The following DNAH11 variants were observed in gnomAD, a reference collection of about 807,000 sequenced individuals.
The protein encoded by DNAH11 is dynein axonemal heavy chain 11, also known as axonemal beta dynein heavy chain 11.
DNAH11 carries 442 observed loss-of-function variants against 526.0 expected under a neutral mutation model. The observed-to-expected ratio is 0.84, with a 90% CI of 0.78 to 0.91. DNAH11 has a LOEUF of 0.91. Ranked by LOEUF, DNAH11 falls within the 40% of genes least tolerant of loss-of-function variation. The pLI, the probability that DNAH11 is intolerant of heterozygous loss-of-function variation, is 0.00. For missense variants in DNAH11, 6,989 were observed against 5,448.7 expected, an observed-to-expected ratio of 1.28 and a Z score of -8.90; for synonymous variants, 2,461 against 1,935.9, an observed-to-expected ratio of 1.27 and a Z score of -7.12.
rs915448294 is a variant in DNAH11 at position 21,581,803 on chromosome 7, G to C, written c.1594-102G>C. On this transcript the variant is annotated intron_variant, in intron 8 of 81. Transcript: ENST00000409508. ...AAAAATAAATTCACTCAGAGACAGAGAGCGAGCGAGAGAGAGCTAAAGTAA... is the reference window on the plus strand; with the variant it reads ...AAAAATAAATTCACTCAGAGACAGACAGCGAGCGAGAGAGAGCTAAAGTAA... 4 of 704,860 alleles carry C rather than the reference G, an allele frequency of 5.7e-6. No homozygotes were observed. In the East Asian group the frequency reaches 1.0e-4, roughly 18 times the overall value. 43.7% of individuals were successfully genotyped at this position (704,860 alleles called of 1,614,324 possible).
rs573286114 is a variant in DNAH11, at chr7:21,565,388, A to G, written c.1194+991A>G. ...ATTGGGAGTTAGGCTTTCAATATTT[A>G]TCAATTTGAATGGACACAATTCAGA... is the stretch of plus-strand genomic sequence containing the variant. On this transcript the variant is annotated intron_variant, in intron 6 of 81. Transcript: ENST00000409508. 8.5e-5 allele frequency among the ~76,000 whole-genome samples: 13 copies of G among 152,302 alleles called. No homozygotes were observed. The South Asian group carries it at 1.7e-3, about 19-fold the overall frequency.
At chr7:21,638,869 G>A in intron 27 of DNAH11, 70 bp from the exon 28 acceptor site, 1 of 1,537,322 alleles carries the variant, frequency 6.5e-7, no homozygotes, top group Non-Finnish European at 8.8e-7. Context: ...GAGGACTTGA[G>A]TTTTGTTTTG....
At position 21,807,953 on chromosome 7, in the gene DNAH11, T is replaced by A. The variant is rs753197426; in HGVS notation, c.10236T>A (p.Leu3412=). The A allele has an allele frequency of 1.1e-5, 18 of 1,609,260 alleles. No homozygotes were observed. The highest frequency in any genetic ancestry group is 1.5e-5 in the Non-Finnish European group (18 of 1,176,816). Residue 3412 remains leucine (L), a synonymous_variant, in exon 63 of 82, where the codon CTT becomes CTA. Transcript: ENST00000409508. The stretch of plus-strand genomic sequence containing the variant: ...AGAAGACACTCTGTGGAGATGTTCT[T>A]CTCACGGCGGCATTTGTGTCTTACG... ...AQEKTLCGDV[L]LTAAFVSYVG... is the part of the protein sequence containing the mutation.
At chr7:21,900,985 A>G in intron 81 of DNAH11, 22 bp from the exon 82 acceptor site, 3 of 1,554,358 alleles carry the variant, frequency 1.9e-6, no homozygotes, top group South Asian at 2.5e-5. Context: ...ACACAATTGC[A>G]ACCGCTGTGT....
rs1784426640 is a variant in DNAH11, at chr7:21,710,564, C to A, written c.6695C>A (p.Ser2232Tyr). The change falls in exon 41 of 82, where the codon TCT (serine) becomes TAT (tyrosine). Residue 2232 changes from serine (S) to tyrosine (Y), a missense_variant. Coordinates refer to ENST00000409508, the MANE Select transcript of DNAH11 (RefSeq NM_001277115.2). Reference sequence around the variant, plus strand: ...ACATTATATATTAGGATTGTTTACTCTTATTTTATAGGTCTCTTCTCATCC... The same window carrying A: ...ACATTATATATTAGGATTGTTTACTATTATTTTATAGGTCTCTTCTCATCC... Reference protein sequence around the residue: ...REWKDGKIVYSYFIGLFSSIL... With the variant: ...REWKDGKIVYYYFIGLFSSIL... 1 of 1,608,738 alleles carries A rather than the reference C, an allele frequency of 6.2e-7. No homozygotes were observed. The highest frequency in any genetic ancestry group is 1.7e-5 in the Admixed American group (1 of 59,574).
At chr7:21,555,829 T>C (rs1255823247) in intron 2 of DNAH11, among the ~76,000 whole-genome samples, 1 of 152,186 alleles carries the variant, frequency 6.6e-6, no homozygotes, top group Non-Finnish European at 1.5e-5. Context: ...GGGACGTGTT[T>C]CTGCTCTCGA....
intron 30 of DNAH11, among the ~76,000 whole-genome samples, chr7:21,665,864 T>C (rs1431918121): frequency 6.6e-6 from 1 of 152,106 alleles, no homozygotes; most frequent in Non-Finnish European, 1.5e-5. Context: ...AAGCTAACAT[T>C]TGAATTCTGC....
Position 21,561,180 on chromosome 7 carries a change from T to C in DNAH11, c.982+10T>C, listed in dbSNP as rs1459657611. Reference sequence around the variant, plus strand: ...CTGGCTGTGGAAAATGGTAAGACTCTTGTTCCTCAGCCTGGCATCAATATC... The same window carrying C: ...CTGGCTGTGGAAAATGGTAAGACTCCTGTTCCTCAGCCTGGCATCAATATC... On this transcript the variant is annotated intron_variant, in intron 5 of 81. Coordinates refer to ENST00000409508, the MANE Select transcript of DNAH11 (RefSeq NM_001277115.2). 3 of 1,563,836 alleles carry C rather than the reference T, an allele frequency of 1.9e-6. No individual in the cohort carries two copies. Among genetic ancestry groups the C allele is most frequent in the Non-Finnish European group, 2.6e-6 (3 of 1,147,750 alleles).
intron 39 of DNAH11, among the ~76,000 whole-genome samples, chr7:21,705,915 C>T (rs536567206): frequency 6.6e-6 from 1 of 152,260 alleles, no homozygotes; most frequent in South Asian, 2.1e-4. Flanking sequence ...TATTAAGAGA[C>T]TGTGGAATAA....
intron 61 of DNAH11, among the ~76,000 whole-genome samples, chr7:21,792,728 T>A (rs1788528854): frequency 6.6e-6 from 1 of 152,162 alleles, no homozygotes; most frequent in South Asian, 2.1e-4. Context: ...TTCTGTGGTA[T>A]CCGTTGTTAT....
At chr7:21,712,207 T>C (rs1784489847) in intron 42 of DNAH11, among the ~76,000 whole-genome samples, 2 of 152,252 alleles carry the variant, frequency 1.3e-5, no homozygotes, top group African/African-American at 4.8e-5. Flanking sequence ...CAGCATATTG[T>C]AGTATTTCCT....
At chr7:21,849,870 G>A (rs950366545) in intron 66 of DNAH11, among the ~76,000 whole-genome samples, 4 of 151,942 alleles carry the variant, frequency 2.6e-5, no homozygotes, top group African/African-American at 9.7e-5. Context: ...TAATTTTGAA[G>A]AATTTTTAGC....
intron 54 of DNAH11, among the ~76,000 whole-genome samples, chr7:21,764,051 G>A (rs925241769): frequency 1.3e-5 from 2 of 152,008 alleles, no homozygotes; most frequent in Non-Finnish European, 2.9e-5. Context: ...GAAATAGAGA[G>A]TTTCCATTCA....
intron 63 of DNAH11, among the ~76,000 whole-genome samples, chr7:21,809,488 G>C (rs12667276): frequency 0.41 from 62,857 of 151,978 alleles, 13,918 homozygotes; most frequent in East Asian, 0.82. Context: ...TTGTTTTATA[G>C]TTTCAGGTCT....
chr7:21,874,042 C>T (rs540633502), intron 74 of DNAH11, among the ~76,000 whole-genome samples: 6 of 151,804 alleles, frequency 4.0e-5, no homozygotes, highest in South Asian at 4.2e-4. Flanking sequence ...CCACCTGCCT[C>T]GGCCTCCCAA....
chr7:21,684,240 C>G (rs1783274552), intron 32 of DNAH11, among the ~76,000 whole-genome samples: 1 of 152,128 alleles, frequency 6.6e-6, no homozygotes, highest in African/African-American at 2.4e-5. Flanking sequence ...GATTCCTTTA[C>G]TGAAAGTGTA....
At chr7:21,799,359 C>T (rs114461226) in intron 61 of DNAH11, among the ~76,000 whole-genome samples, 1,829 of 151,122 alleles carry the variant, frequency 0.012, 40 homozygotes, top group African/African-American at 0.041. Context: ...TTTTTTAAGA[C>T]GGAGTCTTGC....
intron 2 of DNAH11, among the ~76,000 whole-genome samples, chr7:21,555,177 A>G (rs909390535): frequency 1.3e-5 from 2 of 152,222 alleles, no homozygotes; most frequent in African/African-American, 2.4e-5. Flanking sequence ...ATTCACATAG[A>G]GAATTAAAGC....
intron 31 of DNAH11, among the ~76,000 whole-genome samples, chr7:21,682,534 A>C (rs1783188952): frequency 6.6e-6 from 1 of 151,574 alleles, no homozygotes; most frequent in African/African-American, 2.4e-5. Context: ...TCAAAAAAAA[A>C]AAAAAAAAAA....
Sources: allele counts gnomAD v4.1 joint callset (sites outside exome capture counted in the v4.1 genomes callset), GRCh38; gene constraint gnomAD v4.1.1; transcripts MANE v1.5; gene names NCBI Gene and HGNC (gene_info 2026-07-23, HGNC 2026-07-21).